RAB37: variants seen among roughly 807,000 people sequenced by gnomAD.
RAB37 encodes ras-related protein Rab-37.
In RAB37, 29 loss-of-function variants were observed where a neutral mutation model predicts 33.1. The ratio of observed to expected loss-of-function variants is 0.88; its 90% CI spans 0.65 to 1.20. RAB37 has a LOEUF of 1.20. Ranked by LOEUF, RAB37 falls within the 50% of genes most tolerant of loss-of-function variation. RAB37 has a pLI of 0.00. For synonymous variants in RAB37, 128 were observed against 119.5 expected, an observed-to-expected ratio of 1.07 and a Z score of -0.47; for missense variants, 299 against 301.1, an observed-to-expected ratio of 0.99 and a Z score of 0.05.
rs772576716 is a variant in RAB37, at chr17:74,745,270, G to C, written c.567-36G>C. ...CGGCTCAGCTCCTCACCCCAGCCCA[G>C]CCCAGCCCAGCCCAGCCCATTGTCT... On this transcript the variant is annotated intron_variant, in intron 8 of 8. Coordinates refer to ENST00000392613, the MANE Select transcript of RAB37 (RefSeq NM_001006638.3). This position sits in a 1 kb window ranked among gnomAD's most constrained non-coding sequence, Gnocchi z 4.5. 27 of 1,595,620 alleles carry C rather than the reference G, an allele frequency of 1.7e-5. No individual in the cohort carries two copies. Among genetic ancestry groups the C allele is most frequent in the Non-Finnish European group, 2.3e-5 (27 of 1,163,908 alleles).
intron 1 of RAB37, among the ~76,000 whole-genome samples, chr17:74,728,807 G>A (rs1214806323): frequency 6.6e-6 from 1 of 152,024 alleles, no homozygotes; most frequent in Non-Finnish European, 1.5e-5. Context: ...GTGCATACAT[G>A]TGTACATGTG....
chr17:74,676,911 G>A lies in RAB37; in HGVS notation c.72+5253G>A, dbSNP rs898973353. Among the ~76,000 whole-genome samples, 1 of 152,136 alleles carries A rather than the reference G, an allele frequency of 6.6e-6. No homozygotes were observed. Among genetic ancestry groups the A allele is most frequent in the African/African-American group, 2.4e-5 (1 of 41,408 alleles). ...CTCACACCTGTAATCCCAGCACTTT[G>A]GGAGGCTGAGGCAGGTGGATCATGA... On this transcript the variant is annotated intron_variant, in intron 1 of 7. Transcript: ENST00000340415. The surrounding 1 kb of genome is among the most constrained non-coding windows in gnomAD (Gnocchi z 4.1).
chr17:74,686,083 T>A (rs1403184387), intron 1 of RAB37, among the ~76,000 whole-genome samples: 8 of 152,000 alleles, frequency 5.3e-5, no homozygotes, highest in Non-Finnish European at 1.0e-4. Flanking sequence ...CCATTTGCCC[T>A]CATATCTTGT....
At chr17:74,711,121 A>T (rs1366111057) in intron 1 of RAB37, among the ~76,000 whole-genome samples, 1 of 152,132 alleles carries the variant, frequency 6.6e-6, no homozygotes, top group Admixed American at 6.6e-5. Flanking sequence ...TAAAACGATA[A>T]ATTATTTAGA....
intron 1 of RAB37, chr17:74,704,821 A>AAAACACAAAT (rs1190131853): frequency 2.5e-6 from 4 of 1,606,282 alleles, no homozygotes; most frequent in Non-Finnish European, 3.4e-6. Context: ...AGTAGCCTGG[A>AAAACACAAAT]AAACACAAAT....
At chr17:74,736,559 C>T (rs2034477464), upstream of RAB37, 3 of 1,481,044 alleles carry the variant, frequency 2.0e-6, no homozygotes, top group African/African-American at 1.4e-5. Flanking sequence ...CCTTCAGGAG[C>T]GGTCCACTGG....
chr17:74,744,315 T>A lies in RAB37; in HGVS notation c.374T>A (p.Leu125His). ...KSSFDNIRAWLTEIHEYAQRD... is the reference protein window; with the variant it reads ...KSSFDNIRAWHTEIHEYAQRD... Reference sequence around the variant, plus strand: ...GCACGCCCTCTCCCACAGGCCTGGCTCACTGAGATTCATGAGTATGCCCAG... The same window carrying A: ...GCACGCCCTCTCCCACAGGCCTGGCACACTGAGATTCATGAGTATGCCCAG... The change falls in exon 6 of 9, where the codon CTC (leucine) becomes CAC (histidine). Residue 125 changes from leucine to histidine, a missense_variant. Leu to His is a moderately conservative substitution (Grantham distance 99). Coordinates refer to ENST00000392613, the MANE Select transcript of RAB37 (RefSeq NM_001006638.3). This position sits in a 1 kb window ranked among gnomAD's most constrained non-coding sequence, Gnocchi z 4.2. The A allele has an allele frequency of 6.2e-7, 1 of 1,613,798 alleles. No individual in the cohort carries two copies. The highest frequency in any genetic ancestry group is 8.5e-7 in the Non-Finnish European group (1 of 1,179,850).
intron 1 of RAB37, among the ~76,000 whole-genome samples, chr17:74,682,575 T>G (rs991003838): frequency 6.6e-6 from 1 of 151,982 alleles, no homozygotes; most frequent in Non-Finnish European, 1.5e-5. Flanking sequence ...ACCCCGAAGG[T>G]GGAGTCAATC....
chr17:74,704,481 G>A (rs2033344827), intron 1 of RAB37: 3 of 1,608,684 alleles, frequency 1.9e-6, no homozygotes, highest in Non-Finnish European at 2.6e-6. Flanking sequence ...CTCTTACCTG[G>A]GTCAATGGTC....
chr17:74,743,282 C>A lies in RAB37; in HGVS notation c.314-6C>A. 1.2e-6 allele frequency: 2 copies of A among 1,614,132 alleles called. No homozygotes were observed. The highest frequency in any genetic ancestry group is 2.2e-5 in the East Asian group (1 of 44,888). ...TAAGTCCCCTCTGTGATCCTCTCCCCTCCAGCCTTGCTTCTGCTGTATGAC... is the reference window on the plus strand; with the variant it reads ...TAAGTCCCCTCTGTGATCCTCTCCCATCCAGCCTTGCTTCTGCTGTATGAC... On this transcript the variant is annotated splice_region_variant and splice_polypyrimidine_tract_variant and intron_variant, in intron 4 of 8. Coordinates refer to ENST00000392613, the MANE Select transcript of RAB37 (RefSeq NM_001006638.3).
intron 1 of RAB37, among the ~76,000 whole-genome samples, chr17:74,740,544 G>C (rs1422651071): frequency 6.6e-6 from 1 of 152,212 alleles, no homozygotes; most frequent in African/African-American, 2.4e-5. Context: ...GAACTTGAAT[G>C]AGGACAGGAG....
chr17:74,713,522 ATCC>A (rs1194013568), intron 1 of RAB37, among the ~76,000 whole-genome samples: 1 of 151,958 alleles, frequency 6.6e-6, no homozygotes, highest in Non-Finnish European at 1.5e-5. Flanking sequence ...CCCTTATCCA[ATCC>A]TCCAAACCTG....
chr17:74,712,931 C>G, intron 1 of RAB37: 1 of 1,524,584 alleles, frequency 6.6e-7, no homozygotes, highest in East Asian at 2.3e-5. Context: ...ACTACAGACT[C>G]CCAGCCTTCT....
intron 1 of RAB37, among the ~76,000 whole-genome samples, chr17:74,700,562 A>G (rs771167173): frequency 1.6e-4 from 25 of 152,210 alleles, no homozygotes; most frequent in Admixed American, 7.2e-4. Flanking sequence ...CCAACATGGC[A>G]AAACCCCATC....
chr17:74,698,958 A>G (rs1414557662), intron 1 of RAB37, among the ~76,000 whole-genome samples: 1 of 152,118 alleles, frequency 6.6e-6, no homozygotes, highest in Admixed American at 6.5e-5. Context: ...TTGCTCTGTC[A>G]CCCAGGCTGG....
At chr17:74,731,482 G>T (rs2034383761) in intron 2 of RAB37, among the ~76,000 whole-genome samples, 1 of 152,168 alleles carries the variant, frequency 6.6e-6, no homozygotes, top group Non-Finnish European at 1.5e-5. Flanking sequence ...ACCTGCCCAG[G>T]TCCTGTGTAG....
chr17:74,703,035 C>A, intron 1 of RAB37: 1 of 1,612,728 alleles, frequency 6.2e-7, no homozygotes, highest in Non-Finnish European at 8.5e-7. Context: ...GCTGGCTTAC[C>A]TGTTGTCCAA....
At chr17:74,675,502 C>T (rs1201052057) in intron 1 of RAB37, among the ~76,000 whole-genome samples, 1 of 151,714 alleles carries the variant, frequency 6.6e-6, no homozygotes, top group Non-Finnish European at 1.5e-5. Context: ...ATGGGTGTCA[C>T]ATTCAGTCTC....
chr17:74,678,916 G>A (rs1309730494), intron 1 of RAB37, among the ~76,000 whole-genome samples: 1 of 152,088 alleles, frequency 6.6e-6, no homozygotes, highest in Non-Finnish European at 1.5e-5. Flanking sequence ...TTCAAGATCA[G>A]CCTGGCCAGC....
Sources: allele counts gnomAD v4.1 joint callset (sites outside exome capture counted in the v4.1 genomes callset), GRCh38; gene constraint gnomAD v4.1.1; non-coding constraint Gnocchi (gnomAD v3.1); transcripts MANE v1.5; gene names NCBI Gene and HGNC (gene_info 2026-07-23, HGNC 2026-07-21).